Variants in ARID2 observed in about 807,000 individuals in gnomAD.
ARID2 encodes AT-rich interactive domain-containing protein 2.
A neutral mutation model predicts 184.6 loss-of-function variants in ARID2; 32 were observed. That is an observed-to-expected ratio of 0.17 (90% CI 0.13 to 0.23). The LOEUF (loss-of-function observed/expected upper bound fraction) is 0.23. ARID2 is among the 10% of genes least tolerant of loss of function. The pLI is 1.00. For missense variants in ARID2, 1,696 were observed against 2,197.6 expected (o/e 0.77, Z 4.56); for synonymous variants, 836 against 772.6 (o/e 1.08, Z -1.36).
At chr12:45,735,418 C>CGTGTGTGT (rs56133410) in intron 3 of ARID2, among the ~76,000 whole-genome samples, 2,783 of 141,358 alleles carry the variant, frequency 0.02, 43 homozygotes, top group African/African-American at 0.039. Context: ...TAAACTGTAT[C>CGTGTGTGT]GTGTGTGTGT....
chr12:45,779,646 C>T (rs1006799538), intron 3 of ARID2, among the ~76,000 whole-genome samples: 6 of 152,048 alleles, frequency 3.9e-5, no homozygotes, highest in African/African-American at 1.4e-4. Flanking sequence ...TAGGTCTTGC[C>T]TCTGATCATT....
intron 3 of ARID2, among the ~76,000 whole-genome samples, chr12:45,764,061 A>G (rs1216547532): frequency 6.6e-6 from 1 of 152,136 alleles, no homozygotes; most frequent in African/African-American, 2.4e-5. Flanking sequence ...AGTTTATGTG[A>G]TCACCATTTC....
chr12:45,865,498 G>A (rs918907358), intron 16 of ARID2, among the ~76,000 whole-genome samples: 1 of 151,830 alleles, frequency 6.6e-6, no homozygotes, highest in African/African-American at 2.4e-5. Flanking sequence ...CCTAGATGAA[G>A]GGTTTTTTTC....
intron 3 of ARID2, among the ~76,000 whole-genome samples, chr12:45,750,177 G>T (rs1327486828): frequency 6.6e-6 from 1 of 152,136 alleles, no homozygotes; most frequent in African/African-American, 2.4e-5. Context: ...CTTAGAGGCC[G>T]TTGTGGCCTA....
intron 3 of ARID2, among the ~76,000 whole-genome samples, chr12:45,776,766 A>T (rs12316726): frequency 0.084 from 12,525 of 148,878 alleles, 1,820 homozygotes; most frequent in African/African-American, 0.29. Context: ...CCTGGGCAAC[A>T]TAGTGAGATT....
chr12:45,839,216 A>G (rs1943285627), intron 10 of ARID2, 113 bp from the exon 11 acceptor site: 3 of 1,050,800 alleles, frequency 2.9e-6, no homozygotes, highest in African/African-American at 1.6e-5. Flanking sequence ...ACTGTGATTC[A>G]TGGACTAGCA....
rs138769665 is a variant in ARID2 at position 45,839,753 on chromosome 12, T to C, written c.1498+257T>C. The C allele has an allele frequency of 1.2e-5, 4 of 335,144 alleles. No individual in the cohort carries two copies. The East Asian group carries it at 1.9e-4, about 16-fold the overall frequency. 20.8% of individuals were successfully genotyped at this position (335,144 alleles called of 1,614,324 possible). On this transcript the variant is annotated intron_variant, in intron 11 of 20. Transcript: ENST00000334344. ...TTAGAGTAATGTGATGAATTAGATA[T>C]TCATAATTACGATAGCTATAAGTGC...
At chr12:45,880,478 G>A (rs1027414800) in intron 16 of ARID2, among the ~76,000 whole-genome samples, 1 of 152,148 alleles carries the variant, frequency 6.6e-6, no homozygotes, top group African/African-American at 2.4e-5. Context: ...AGTTCCTATT[G>A]TAAGGTATAA....
intron 15 of ARID2, among the ~76,000 whole-genome samples, chr12:45,855,461 A>G (rs1246719779): frequency 2.0e-5 from 3 of 152,238 alleles, no homozygotes; most frequent in Non-Finnish European, 4.4e-5. Context: ...GAGAATAACA[A>G]AAACAGCATT....
At chr12:45,875,378 C>T (rs1943994298) in intron 16 of ARID2, among the ~76,000 whole-genome samples, 1 of 152,112 alleles carries the variant, frequency 6.6e-6, no homozygotes, top group African/African-American at 2.4e-5. Flanking sequence ...TTGATGTTGC[C>T]CAGGCAATGT....
At chr12:45,818,147 G>A (rs543516955) in intron 5 of ARID2, among the ~76,000 whole-genome samples, 3 of 152,208 alleles carry the variant, frequency 2.0e-5, no homozygotes, top group East Asian at 3.9e-4. Flanking sequence ...GAGTTGAGAC[G>A]ATTGCTTGCT....
chr12:45,802,798 G>C (rs1402902273), intron 3 of ARID2, among the ~76,000 whole-genome samples: 1 of 151,988 alleles, frequency 6.6e-6, no homozygotes, highest in Non-Finnish European at 1.5e-5. Flanking sequence ...AAATTTTGCT[G>C]TATGTCTAAA....
intron 16 of ARID2, 58 bp downstream of exon 16, chr12:45,861,007 A>AT (rs943567763): frequency 7.3e-7 from 1 of 1,362,246 alleles, no homozygotes; most frequent in Non-Finnish European, 9.6e-7. Context: ...ATGCTTTTAT[A>AT]TTTAAGTTTC....
chr12:45,779,635 T>A (rs1942052507), intron 3 of ARID2, among the ~76,000 whole-genome samples: 1 of 152,136 alleles, frequency 6.6e-6, no homozygotes, highest in Non-Finnish European at 1.5e-5. Flanking sequence ...CACTTGAACT[T>A]TAGGTCTTGC....
At chr12:45,804,895 A>AT (rs1198709466) in intron 3 of ARID2, among the ~76,000 whole-genome samples, 2 of 151,682 alleles carry the variant, frequency 1.3e-5, no homozygotes, top group Admixed American at 6.6e-5. Flanking sequence ...AATATATTCG[A>AT]TTTTTTGCAT....
intron 20 of ARID2, among the ~76,000 whole-genome samples, chr12:45,903,998 C>G (rs1382056127): frequency 6.6e-6 from 1 of 152,104 alleles, no homozygotes; most frequent in Non-Finnish European, 1.5e-5. Context: ...ATTTATCCAT[C>G]CCACAGTTCT....
chr12:45,819,574 T>C (rs1317275150), intron 5 of ARID2, among the ~76,000 whole-genome samples: 1 of 152,174 alleles, frequency 6.6e-6, no homozygotes. Flanking sequence ...GAGAGAGAAA[T>C]ATAGATGCCA....
chr12:45,826,474 CCAGTGGTGCCATTGTAGTTCAT>C (rs1416198713), intron 6 of ARID2, among the ~76,000 whole-genome samples: 1 of 151,974 alleles, frequency 6.6e-6, no homozygotes, highest in Non-Finnish European at 1.5e-5. Context: ...AGGCTAGAGT[CCAGTGGTGCCATTGTAGTTCAT>C]TGCAATGTCC....
intron 16 of ARID2, among the ~76,000 whole-genome samples, chr12:45,890,860 T>C (rs1044616071): frequency 3.9e-5 from 6 of 152,114 alleles, no homozygotes; most frequent in African/African-American, 1.4e-4. Context: ...AGATCTTTGC[T>C]GTAGATCTTA....
Sources: allele counts gnomAD v4.1 joint callset (sites outside exome capture counted in the v4.1 genomes callset), GRCh38; gene constraint gnomAD v4.1.1; transcripts MANE v1.5; gene names NCBI Gene and HGNC (gene_info 2026-07-23, HGNC 2026-07-21).